ANO3: variants seen among roughly 807,000 people sequenced by gnomAD.
The protein encoded by ANO3 is anoctamin 3, also known as anoctamin-3.
Under a neutral mutation model 144.8 loss-of-function variants are expected in ANO3, and 99 were observed. The ratio of observed to expected loss-of-function variants is 0.68; its 90% CI spans 0.58 to 0.81. The LOEUF (loss-of-function observed/expected upper bound fraction) is 0.81. Among genes scored for constraint, ANO3 ranks in the 30% least tolerant of loss-of-function variants. The pLI, the probability that ANO3 is intolerant of heterozygous loss-of-function variation, is 0.00. For missense variants in ANO3, 905 were observed against 1,202.2 expected (o/e 0.75, Z 3.66); for synonymous variants, 414 against 392.6 (o/e 1.05, Z -0.64).
At chr11:26,601,915 A>G (rs1851809105) in intron 17 of ANO3, among the ~76,000 whole-genome samples, 1 of 152,222 alleles carries the variant, frequency 6.6e-6, no homozygotes, top group Non-Finnish European at 1.5e-5. Context: ...AGCTGGTCAT[A>G]GTTCTGCTAC....
intron 4 of ANO3, among the ~76,000 whole-genome samples, chr11:26,504,715 A>G (rs978619142): frequency 2.0e-5 from 3 of 151,892 alleles, no homozygotes; most frequent in African/African-American, 7.3e-5. Context: ...GTTGAGAACA[A>G]ACTATAGAAG....
intron 3 of ANO3, among the ~76,000 whole-genome samples, chr11:26,448,901 A>T (rs541320439): frequency 6.6e-6 from 1 of 152,254 alleles, no homozygotes; most frequent in East Asian, 1.9e-4. Flanking sequence ...TGGTACAATA[A>T]CTTCCGAACA....
intron 1 of ANO3, among the ~76,000 whole-genome samples, chr11:26,243,814 G>A (rs1398831700): frequency 6.6e-6 from 1 of 152,034 alleles, no homozygotes; most frequent in Non-Finnish European, 1.5e-5. Context: ...ATGAAGCCAT[G>A]GTATGTGTTG....
At chr11:26,567,562 T>A (rs1850640789) in intron 14 of ANO3, among the ~76,000 whole-genome samples, 2 of 152,018 alleles carry the variant, frequency 1.3e-5, no homozygotes, top group Admixed American at 1.3e-4. Context: ...AATATATCTA[T>A]AATATATGTT....
chr11:26,279,392 A>G (rs1853628489), intron 1 of ANO3, among the ~76,000 whole-genome samples: 2 of 152,228 alleles, frequency 1.3e-5, no homozygotes, highest in Admixed American at 6.6e-5. Context: ...CCATGAAGTG[A>G]AAGTTTGTCC....
At chr11:26,342,242 T>C (rs1855382041) in intron 1 of ANO3, among the ~76,000 whole-genome samples, 1 of 152,180 alleles carries the variant, frequency 6.6e-6, no homozygotes, top group Non-Finnish European at 1.5e-5. Flanking sequence ...TAGGGACTGC[T>C]ATATAGTAGG....
intron 3 of ANO3, among the ~76,000 whole-genome samples, chr11:26,456,400 A>G (rs1430195996): frequency 1.3e-5 from 2 of 152,188 alleles, no homozygotes; most frequent in African/African-American, 4.8e-5. Flanking sequence ...CAACCCCATC[A>G]AAATGTGGGC....
At chr11:26,617,982 T>G (rs1258039070) in intron 17 of ANO3, among the ~76,000 whole-genome samples, 1 of 152,182 alleles carries the variant, frequency 6.6e-6, no homozygotes, top group Non-Finnish European at 1.5e-5. Context: ...AAGTATTTAT[T>G]TAGAAAATCA....
At chr11:26,609,311 G>C (rs1047382165) in intron 17 of ANO3, among the ~76,000 whole-genome samples, 6 of 151,446 alleles carry the variant, frequency 4.0e-5, no homozygotes, top group Non-Finnish European at 8.9e-5. Flanking sequence ...GCAGGTGTAG[G>C]ATTCACATGC....
intron 1 of ANO3, among the ~76,000 whole-genome samples, chr11:26,241,765 A>C (rs1379970359): frequency 6.6e-6 from 1 of 152,224 alleles, no homozygotes; most frequent in Non-Finnish European, 1.5e-5. Context: ...CATTTTACAG[A>C]CAAGGCAATT....
At chr11:26,562,869 GATT>G in intron 14 of ANO3, among the ~76,000 whole-genome samples, 1 of 151,922 alleles carries the variant, frequency 6.6e-6, no homozygotes, top group South Asian at 2.1e-4. Flanking sequence ...TAGATTCTTG[GATT>G]ATTATTTAAA....
In ANO3 at chr11:26,191,309, C is replaced by T. The variant is rs1851471733; in HGVS notation, c.154+1979C>T. 2.0e-5 allele frequency among the ~76,000 whole-genome samples: 3 copies of T among 151,086 alleles called. No homozygotes were observed. In the South Asian group the frequency reaches 6.3e-4, roughly 31 times the overall value. ...AAAAAAAAACACATATATATATACACACACACACATATATATATACACACA... is the reference window on the plus strand; with the variant it reads ...AAAAAAAAACACATATATATATACATACACACACATATATATATACACACA... On this transcript the variant is annotated intron_variant, in intron 1 of 27. Coordinates refer to the ANO3 transcript ENST00000672621.
At chr11:26,612,004 G>A (rs550621831) in intron 17 of ANO3, among the ~76,000 whole-genome samples, 29 of 152,062 alleles carry the variant, frequency 1.9e-4, no homozygotes, top group African/African-American at 7.0e-4. Context: ...TCTTAATGGC[G>A]AGGTGAGTCT....
At chr11:26,523,671 T>C (rs1423021390) in intron 6 of ANO3, among the ~76,000 whole-genome samples, 1 of 152,228 alleles carries the variant, frequency 6.6e-6, no homozygotes, top group East Asian at 1.9e-4. Flanking sequence ...TTATTTTTCA[T>C]TTTTATTTGT....
intron 9 of ANO3, 64 bp downstream of exon 9, chr11:26,534,626 T>C: frequency 1.7e-6 from 2 of 1,143,946 alleles, no homozygotes; most frequent in South Asian, 2.6e-5. Context: ...GAATTATTGT[T>C]TTTTTTAACA....
chr11:26,599,379 T>G (rs573886746), intron 16 of ANO3, among the ~76,000 whole-genome samples, 171 bp from the exon 17 acceptor site: 1 of 152,342 alleles, frequency 6.6e-6, no homozygotes, highest in East Asian at 1.9e-4. Flanking sequence ...TTGTCCTATT[T>G]GTTTTGACTA....
At chr11:26,306,650 T>C (rs1198251601), upstream of ANO3, among the ~76,000 whole-genome samples, 1 of 151,756 alleles carries the variant, frequency 6.6e-6, no homozygotes, top group Non-Finnish European at 1.5e-5. Flanking sequence ...GATGACAGAG[T>C]GAGATCCTGT....
chr11:26,283,418 G>C (rs1197845390), intron 1 of ANO3, among the ~76,000 whole-genome samples: 2 of 141,402 alleles, frequency 1.4e-5, no homozygotes, highest in Non-Finnish European at 3.1e-5. Flanking sequence ...GTAACTCTGG[G>C]CTTTGGGTTT....
At chr11:26,653,368 A>G (rs1313978594) in intron 24 of ANO3, among the ~76,000 whole-genome samples, 3 of 151,904 alleles carry the variant, frequency 2.0e-5, no homozygotes. Context: ...CACGCCCCAC[A>G]CAACCCACTG....
Sources: allele counts gnomAD v4.1 joint callset (sites outside exome capture counted in the v4.1 genomes callset), GRCh38; gene constraint gnomAD v4.1.1; transcripts MANE v1.5; gene names NCBI Gene and HGNC (gene_info 2026-07-23, HGNC 2026-07-21).